The following APAF1 variants were observed in gnomAD, a reference collection of about 807,000 sequenced individuals.
APAF1 encodes the protein apoptotic protease-activating factor 1.
A neutral mutation model predicts 152.4 loss-of-function variants in APAF1; 91 were observed. That is an observed-to-expected ratio of 0.60 (90% CI 0.50 to 0.71). APAF1 has a LOEUF of 0.71. Ranked by LOEUF, APAF1 falls within the 30% of genes least tolerant of loss-of-function variation. The pLI is 0.00. For synonymous variants in APAF1, 484 were observed against 494.1 expected, an observed-to-expected ratio of 0.98 and a Z score of 0.27; for missense variants, 1,283 against 1,472.0, an observed-to-expected ratio of 0.87 and a Z score of 2.10.
intron 21 of APAF1, among the ~76,000 whole-genome samples, 146 bp from the exon 22 acceptor site, chr12:98,715,268 ATATATATATATAT>A (rs1178312098): frequency 3.7e-5 from 4 of 106,898 alleles, no homozygotes; most frequent in East Asian, 4.4e-4. Context: ...ATATATATAT[ATATATATATATAT>A]GACATTCATT....
At position 98,715,235 on chromosome 12, in the gene APAF1, CATATATATATATATATATAT is replaced by C. The variant is rs61430351; in HGVS notation, c.2959-165_2959-146del. 8.2e-3 allele frequency among the ~76,000 whole-genome samples: 450 copies of C among 54,798 alleles called. 15 individuals carry two copies. The highest frequency in any genetic ancestry group is 0.027 in the African/African-American group (384 of 14,146). The allele number at this position is 54,798 out of a possible 152,430, so 35.9% of individuals were successfully genotyped here. A position where few individuals can be genotyped will look rare whatever the true frequency, so the allele number is the denominator to read the frequency against. On this transcript the variant is annotated intron_variant, in intron 21 of 26. Coordinates refer to ENST00000551964, the MANE Select transcript of APAF1 (RefSeq NM_181861.2). ...TTTGCATGTAGGCATACATGGTGTG[CATATATATATATATATATAT>C]ATATATATATATATATATATATATA...
intron 16 of APAF1, among the ~76,000 whole-genome samples, chr12:98,690,718 T>G (rs1204440220): frequency 1.3e-5 from 2 of 152,344 alleles, no homozygotes; most frequent in African/African-American, 4.8e-5. Flanking sequence ...CTAATTTATT[T>G]GCTTTTCCAC....
intron 5 of APAF1, among the ~76,000 whole-genome samples, chr12:98,659,739 T>G (rs1593029929): frequency 4.6e-5 from 4 of 86,090 alleles, no homozygotes; most frequent in East Asian, 3.9e-4. Context: ...GCAATAAGAG[T>G]GAAACTCCAT....
chr12:98,673,580 A>G (rs2097683210), intron 12 of APAF1, among the ~76,000 whole-genome samples: 1 of 152,198 alleles, frequency 6.6e-6, no homozygotes, highest in African/African-American at 2.4e-5. Context: ...ATTTATATCT[A>G]AATAGAAGTC....
At chr12:98,730,251 T>C (rs1445524752) in intron 26 of APAF1, among the ~76,000 whole-genome samples, 2 of 152,230 alleles carry the variant, frequency 1.3e-5, no homozygotes, top group African/African-American at 2.4e-5. Context: ...TCTCCTTTAG[T>C]GTAAAGATAA....
chr12:98,712,496 C>T, intron 21 of APAF1, 61 bp downstream of exon 21: 1 of 969,344 alleles, frequency 1.0e-6, no homozygotes, highest in Non-Finnish European at 1.7e-6. Flanking sequence ...AATTATATGT[C>T]TGGCATTGTG....
intron 16 of APAF1, among the ~76,000 whole-genome samples, chr12:98,691,689 T>C (rs1258967227): frequency 6.6e-6 from 1 of 152,222 alleles, no homozygotes; most frequent in Non-Finnish European, 1.5e-5. Flanking sequence ...GTATTACTAT[T>C]GGTCAAACCC....
In APAF1 at chr12:98,648,454, A is replaced by C; in HGVS notation, c.95A>C (p.Asp32Ala). ...TACATCATGGATCACATGATTAGTG[A>C]TGGATTTTTAACAATATCAGAAGAG... ...TSYIMDHMIS[D>A]GFLTISEEEK... Residue 32 changes from aspartate (D) to alanine (A), a missense_variant, in exon 2 of 27, where the codon GAT becomes GCT. By Grantham distance (126) the Asp-to-Ala change is moderately radical (BLOSUM62 -2). Transcript: ENST00000551964. The C allele has an allele frequency of 6.2e-7, 1 of 1,614,074 alleles. No homozygotes were observed. Among genetic ancestry groups the C allele is most frequent in the African/African-American group, 1.3e-5 (1 of 75,060 alleles).
At position 98,725,396 on chromosome 12, in the gene APAF1, A is replaced by G. The variant is rs758999715; in HGVS notation, c.3331-19A>G. 1 of 1,614,072 alleles carries G rather than the reference A, an allele frequency of 6.2e-7. No homozygotes were observed. Among genetic ancestry groups the G allele is most frequent in the South Asian group, 1.1e-5 (1 of 91,078 alleles). ...TTGAGTGTTTATAGCATTGCTAAAC[A>G]ATCCTAATTGCCTTCCAGATCTGGA... On this transcript the variant is annotated intron_variant, in intron 24 of 26. Transcript: ENST00000551964.
intron 20 of APAF1, 68 bp downstream of exon 20, chr12:98,708,772 T>G (rs1018723830): frequency 3.3e-5 from 50 of 1,528,482 alleles, no homozygotes; most frequent in Non-Finnish European, 3.9e-5. Context: ...GTTTTTCTTG[T>G]TTTTGGACTT....
At chr12:98,709,071 A>G (rs935949459) in intron 20 of APAF1, among the ~76,000 whole-genome samples, 10 of 152,210 alleles carry the variant, frequency 6.6e-5, no homozygotes, top group African/African-American at 2.4e-4. Flanking sequence ...AAAGGGAAGG[A>G]TTCCAGGGTC....
intron 4 of APAF1, among the ~76,000 whole-genome samples, chr12:98,655,325 G>C (rs1388522957): frequency 1.3e-5 from 2 of 150,662 alleles, no homozygotes; most frequent in Non-Finnish European, 3.0e-5. Context: ...ATCCTGGCCC[G>C]TTCTCAATGA....
At chr12:98,716,299 G>C (rs143683713) in intron 22 of APAF1, among the ~76,000 whole-genome samples, 14 of 152,226 alleles carry the variant, frequency 9.2e-5, no homozygotes, top group African/African-American at 3.1e-4. Context: ...CCTGCCTTCA[G>C]CTTATGTGCA....
At chr12:98,658,078 C>CT (rs1196725178) in intron 4 of APAF1, among the ~76,000 whole-genome samples, 1 of 151,658 alleles carries the variant, frequency 6.6e-6, no homozygotes, top group Non-Finnish European at 1.5e-5. Context: ...CTGTTTTTTG[C>CT]TTTTTTTGGT....
At chr12:98,697,023 G>A (rs1489659925) in intron 16 of APAF1, among the ~76,000 whole-genome samples, 1 of 152,130 alleles carries the variant, frequency 6.6e-6, no homozygotes, top group Admixed American at 6.5e-5. Flanking sequence ...ACTCTGTTGG[G>A]GAAGGGTTCA....
chr12:98,715,276 A>G (rs1217579541), intron 21 of APAF1, 151 bp from the exon 22 acceptor site: 2 of 276,072 alleles, frequency 7.2e-6, no homozygotes, highest in Admixed American at 5.1e-5. Flanking sequence ...ATATATATAT[A>G]TATATGACAT....
At chr12:98,690,149 A>G (rs1038076938) in intron 16 of APAF1, among the ~76,000 whole-genome samples, 2 of 152,192 alleles carry the variant, frequency 1.3e-5, no homozygotes, top group African/African-American at 2.4e-5. Context: ...GAGAAAGGTA[A>G]ACTGTTTTGA....
intron 13 of APAF1, among the ~76,000 whole-genome samples, chr12:98,679,334 G>A (rs1370056739): frequency 1.3e-5 from 2 of 152,046 alleles, no homozygotes; most frequent in African/African-American, 4.8e-5. Context: ...ACACTTGTCA[G>A]GAGGACTTGC....
chr12:98,691,164 G>A (rs927391941), intron 16 of APAF1, among the ~76,000 whole-genome samples: 40 of 151,984 alleles, frequency 2.6e-4, no homozygotes, highest in African/African-American at 9.7e-4. Context: ...CTGAGATTGC[G>A]CCACTGCACT....
Sources: allele counts gnomAD v4.1 joint callset (sites outside exome capture counted in the v4.1 genomes callset), GRCh38; gene constraint gnomAD v4.1.1; transcripts MANE v1.5; gene names NCBI Gene and HGNC (gene_info 2026-07-23, HGNC 2026-07-21).